L3MBTL4: variants seen among roughly 807,000 people sequenced by gnomAD.
The protein encoded by L3MBTL4 is L3MBTL histone methyl-lysine binding protein 4, also known as lethal(3)malignant brain tumor-like protein 4.
In L3MBTL4, 70 loss-of-function variants were observed where a neutral mutation model predicts 84.5. The ratio of observed to expected loss-of-function variants is 0.83; its 90% CI spans 0.68 to 1.01. The LOEUF (loss-of-function observed/expected upper bound fraction) is 1.01, where lower values mean the gene tolerates loss of function less well. L3MBTL4 is among the 50% of genes least tolerant of loss of function. L3MBTL4 has a pLI of 0.00. For synonymous variants in L3MBTL4, 274 were observed against 259.8 expected (o/e 1.05, Z -0.52); for missense variants, 715 against 754.8 (o/e 0.95, Z 0.62).
intron 4 of L3MBTL4, among the ~76,000 whole-genome samples, chr18:6,276,685 A>T (rs2049094037): frequency 6.6e-6 from 1 of 151,532 alleles, no homozygotes. Context: ...ACCTGTATCC[A>T]TCATAAATTC....
chr18:6,165,707 T>C (rs1285539441), intron 13 of L3MBTL4, among the ~76,000 whole-genome samples: 1 of 152,144 alleles, frequency 6.6e-6, no homozygotes, highest in African/African-American at 2.4e-5. Flanking sequence ...GAACGACTGG[T>C]ACCAACCACT....
rs927476988 is a variant in L3MBTL4, at chr18:6,043,327, G to C, written c.1444+37554C>G. On this transcript the variant is annotated intron_variant, in intron 16 of 18. Transcript: ENST00000317931. ...GACTCTCCCTGTCTCGGTTCAATTT[G>C]AGACTTGCTTTCCTCAGAGCCACTC... Among the ~76,000 whole-genome samples, 10 of 152,022 alleles carry C rather than the reference G, an allele frequency of 6.6e-5. 1 individual carries two copies. The highest frequency in any genetic ancestry group is 2.4e-4 in the African/African-American group (10 of 41,380).
chr18:6,140,700 T>G (rs966402355), intron 13 of L3MBTL4, among the ~76,000 whole-genome samples: 14 of 152,114 alleles, frequency 9.2e-5, no homozygotes, highest in African/African-American at 3.1e-4. Context: ...ATGAGGTATT[T>G]TAATCACTCC....
intron 4 of L3MBTL4, among the ~76,000 whole-genome samples, chr18:6,266,846 C>A (rs1168557299): frequency 6.6e-6 from 1 of 152,080 alleles, no homozygotes; most frequent in African/African-American, 2.4e-5. Context: ...TTGCTTGAAC[C>A]TGGGAGGCAG....
intron 5 of L3MBTL4, chr18:6,260,775 C>G (rs192894492): frequency 6.6e-6 from 1 of 152,246 alleles, no homozygotes; most frequent in South Asian, 2.1e-4. Context: ...AGCTGGCTGA[C>G]CTGAACAACA....
At chr18:6,358,431 C>A (rs2053539762) in intron 1 of L3MBTL4, among the ~76,000 whole-genome samples, 1 of 152,156 alleles carries the variant, frequency 6.6e-6, no homozygotes. Context: ...ACTACCTAGT[C>A]AAAAGTCCCC....
Position 6,150,859 on chromosome 18 carries a change from A to AT in L3MBTL4, c.1097-12564dup, listed in dbSNP as rs373087172. Among the ~76,000 whole-genome samples the AT allele has an allele frequency of 1.3e-3, 205 of 152,334 alleles. 1 individual carries two copies. The highest frequency in any genetic ancestry group is 4.5e-3 in the African/African-American group (186 of 41,582). Reference sequence around the variant, plus strand: ...AAAAATGTTCGCTGGCACCTTGGGTATAAAGGCACTCCATTCAGAGAAGGA... The same window carrying AT: ...AAAAATGTTCGCTGGCACCTTGGGTATTAAAGGCACTCCATTCAGAGAAGGA... On this transcript the variant is annotated intron_variant, in intron 13 of 18. Coordinates refer to ENST00000317931, the MANE Select transcript of L3MBTL4 (RefSeq NM_001330559.2).
chr18:6,056,192 ATTC>A (rs1055368437), intron 16 of L3MBTL4, among the ~76,000 whole-genome samples: 2 of 152,250 alleles, frequency 1.3e-5, no homozygotes, highest in Admixed American at 1.3e-4. Flanking sequence ...GCAGAAAGGC[ATTC>A]TTCTTAAGAA....
In L3MBTL4 at chr18:6,045,825, A is replaced by G. The variant is rs2056594736; in HGVS notation, c.1444+35056T>C. On this transcript the variant is annotated intron_variant, in intron 16 of 18. Coordinates refer to ENST00000317931, the MANE Select transcript of L3MBTL4 (RefSeq NM_001330559.2). ...CATAGACCCTAAAAAGCAACCACACAATAGGAACTACAAAGCAACCAGCTA... is the reference window on the plus strand; with the variant it reads ...CATAGACCCTAAAAAGCAACCACACGATAGGAACTACAAAGCAACCAGCTA... Among the ~76,000 whole-genome samples, 6 of 152,218 alleles carry G rather than the reference A, an allele frequency of 3.9e-5. No individual in the cohort carries two copies. The South Asian group carries it at 1.2e-3, about 31-fold the overall frequency.
At chr18:6,354,913 C>G (rs958140694) in intron 1 of L3MBTL4, among the ~76,000 whole-genome samples, 1 of 152,138 alleles carries the variant, frequency 6.6e-6, no homozygotes, top group South Asian at 2.1e-4. Flanking sequence ...ACCATATAAT[C>G]CAGCAGTCCT....
At position 6,081,188 on chromosome 18, in the gene L3MBTL4, A is replaced by G. The variant is rs965838762; in HGVS notation, c.1374-237T>C. 2.5e-5 allele frequency: 9 copies of G among 358,528 alleles called. No homozygotes were observed. The Admixed American group carries it at 4.3e-4, about 17-fold the overall frequency. 22.2% of individuals were successfully genotyped at this position (358,528 alleles called of 1,614,324 possible). A position where few individuals can be genotyped will look rare whatever the true frequency, so the allele number is the denominator to read the frequency against. ...AAGGCCTTTCCCCCCTCATTCTATT[A>G]CAGTAAAAAGTTTCCAAAACTCTCT... On this transcript the variant is annotated intron_variant, in intron 15 of 18. Transcript: ENST00000317931.
At chr18:6,247,466 ATTTTTTTTTTTTTTTT>A (rs71163266) in intron 5 of L3MBTL4, among the ~76,000 whole-genome samples, 1 of 49,638 alleles carries the variant, frequency 2.0e-5, no homozygotes, top group African/African-American at 1.0e-4. Flanking sequence ...CCCTCCTCTG[ATTTTTTTTTTTTTTTT>A]TTTTTTTTTT....
At chr18:6,154,759 C>T (rs1340509238) in intron 13 of L3MBTL4, among the ~76,000 whole-genome samples, 1 of 152,136 alleles carries the variant, frequency 6.6e-6, no homozygotes, top group South Asian at 2.1e-4. Flanking sequence ...TTTTGCATTA[C>T]TCGCTGAATT....
intron 4 of L3MBTL4, among the ~76,000 whole-genome samples, chr18:6,265,071 A>G (rs1241925132): frequency 4.6e-5 from 7 of 152,268 alleles, no homozygotes; most frequent in Non-Finnish European, 1.0e-4. Flanking sequence ...AGGAAAAAGA[A>G]GCAGTTAAGG....
At chr18:6,368,998 C>T (rs546601231) in intron 1 of L3MBTL4, among the ~76,000 whole-genome samples, 1 of 151,502 alleles carries the variant, frequency 6.6e-6, no homozygotes, top group South Asian at 2.1e-4. Context: ...GCCGAGATCT[C>T]GCCACTGCAC....
Position 6,323,538 on chromosome 18 carries a change from C to T in L3MBTL4, c.-90-11482G>A, listed in dbSNP as rs142821465. On this transcript the variant is annotated intron_variant, in intron 1 of 18. Transcript: ENST00000317931. The stretch of plus-strand genomic sequence containing the variant: ...TAAGCACTAGCGAAGAGCTTTGCTG[C>T]ATTGTGACCTTGCCTTAAGGATCTC... Among the ~76,000 whole-genome samples the T allele has an allele frequency of 2.6e-5, 4 of 152,326 alleles. No homozygotes were observed. The East Asian group carries it at 7.7e-4, about 29-fold the overall frequency.
At chr18:6,400,953 C>T (rs2144647054) in intron 1 of L3MBTL4, among the ~76,000 whole-genome samples, 1 of 152,294 alleles carries the variant, frequency 6.6e-6, no homozygotes, top group East Asian at 1.9e-4. Flanking sequence ...AGTGTCGAAG[C>T]TGAGACTCAC....
chr18:6,155,647 T>C (rs1252211654), intron 13 of L3MBTL4, among the ~76,000 whole-genome samples: 5 of 152,192 alleles, frequency 3.3e-5, no homozygotes, highest in Non-Finnish European at 7.3e-5. Context: ...TGATTTGAAA[T>C]GAATACCAAA....
At chr18:6,275,533 C>T (rs1294400579) in intron 4 of L3MBTL4, among the ~76,000 whole-genome samples, 1 of 152,040 alleles carries the variant, frequency 6.6e-6, no homozygotes, top group Non-Finnish European at 1.5e-5. Flanking sequence ...ACTGAAAAAA[C>T]AGGGAATGTG....
Sources: allele counts gnomAD v4.1 joint callset (sites outside exome capture counted in the v4.1 genomes callset), GRCh38; gene constraint gnomAD v4.1.1; transcripts MANE v1.5; gene names NCBI Gene and HGNC (gene_info 2026-07-23, HGNC 2026-07-21).